Variants in THSD1 observed in about 807,000 individuals in gnomAD.
THSD1 encodes thrombospondin type-1 domain-containing protein 1.
Under a neutral mutation model 46.3 loss-of-function variants are expected in THSD1, and 34 were observed. The ratio of observed to expected loss-of-function variants is 0.74; its 90% CI spans 0.56 to 0.98. THSD1 has a LOEUF of 0.98. Among genes scored for constraint, THSD1 ranks in the 50% least tolerant of loss-of-function variants. The probability of loss-of-function intolerance (pLI) is 0.00; values close to 1 mark genes in which losing one functional copy is unlikely to be tolerated. For missense variants in THSD1, 1,023 were observed against 1,058.3 expected (o/e 0.97, Z 0.46); for synonymous variants, 407 against 416.5 (o/e 0.98, Z 0.28).
chr13:52,403,462 T>C (rs147925088), intron 1 of THSD1, among the ~76,000 whole-genome samples: 1 of 152,282 alleles, frequency 6.6e-6, no homozygotes, highest in African/African-American at 2.4e-5. Flanking sequence ...CAGTTATTTG[T>C]TGGAAGAAGC....
chr13:52,405,747 C>T (rs1566077445), intron 1 of THSD1, among the ~76,000 whole-genome samples: 1 of 152,168 alleles, frequency 6.6e-6, no homozygotes. Flanking sequence ...TAGCTCAAGA[C>T]GCGATTTTTC....
chr13:52,386,496 G>C (rs532509413), intron 3 of THSD1, among the ~76,000 whole-genome samples: 1 of 152,232 alleles, frequency 6.6e-6, no homozygotes, highest in Admixed American at 6.5e-5. Context: ...TGTTTACCAG[G>C]GGCAGACACC....
intron 4 of THSD1, among the ~76,000 whole-genome samples, chr13:52,382,204 G>A (rs1469396427): frequency 3.3e-5 from 5 of 152,106 alleles, no homozygotes; most frequent in Admixed American, 1.3e-4. Flanking sequence ...CCTACAACTT[G>A]TGCTTCCTCT....
At chr13:52,398,527 C>A in intron 2 of THSD1, 3 of 983,116 alleles carry the variant, frequency 3.1e-6, no homozygotes, top group Non-Finnish European at 3.6e-6. Context: ...TAGACATGAG[C>A]CACTGCACCC....
chr13:52,380,843 C>T (rs1350429798), intron 4 of THSD1, among the ~76,000 whole-genome samples: 1 of 152,048 alleles, frequency 6.6e-6, no homozygotes, highest in Non-Finnish European at 1.5e-5. Flanking sequence ...TCCTTTGATG[C>T]CCATGCCATC....
At chr13:52,391,522 GTA>G (rs201281578) in intron 3 of THSD1, among the ~76,000 whole-genome samples, 5 of 148,292 alleles carry the variant, frequency 3.4e-5, no homozygotes, top group African/African-American at 7.4e-5. Context: ...CCTGCCAGAA[GTA>G]TATATATATA....
At chr13:52,383,745 A>C (rs1435141422) in intron 4 of THSD1, among the ~76,000 whole-genome samples, 1 of 152,250 alleles carries the variant, frequency 6.6e-6, no homozygotes, top group Non-Finnish European at 1.5e-5. Flanking sequence ...AAAGAATGGA[A>C]AATAGGTTGA....
intron 3 of THSD1, among the ~76,000 whole-genome samples, chr13:52,395,556 TC>T (rs1281860191): frequency 6.6e-6 from 1 of 151,948 alleles, no homozygotes; most frequent in African/African-American, 2.4e-5. Flanking sequence ...GGAAGAGACG[TC>T]CATCTGGAGC....
intron 1 of THSD1, among the ~76,000 whole-genome samples, chr13:52,403,649 T>C (rs1043417958): frequency 1.3e-5 from 2 of 152,100 alleles, no homozygotes; most frequent in Non-Finnish European, 2.9e-5. Context: ...GCCCAGCTAA[T>C]TTTTGGTATT....
At chr13:52,389,352 G>GA (rs879533104) in intron 3 of THSD1, among the ~76,000 whole-genome samples, 3 of 151,666 alleles carry the variant, frequency 2.0e-5, no homozygotes, top group East Asian at 1.9e-4. Flanking sequence ...AAATAAGGCA[G>GA]AAAAAAAGAT....
chr13:52,396,553 A>C (rs1383651004), intron 3 of THSD1, among the ~76,000 whole-genome samples: 3 of 152,232 alleles, frequency 2.0e-5, no homozygotes, highest in Non-Finnish European at 4.4e-5. Context: ...AACAAAGATA[A>C]AAAACGAACG....
intron 3 of THSD1, among the ~76,000 whole-genome samples, chr13:52,390,308 A>G (rs938584660): frequency 6.6e-6 from 1 of 152,228 alleles, no homozygotes; most frequent in Non-Finnish European, 1.5e-5. Flanking sequence ...TATACAAAGC[A>G]CTACAAAACA....
At position 52,378,359 on chromosome 13, in the gene THSD1, T is replaced by G; in HGVS notation, c.1611A>C (p.Leu537Phe). ...TCAGACCTTTCTTTTTCATCTCCTTTAACTGCTGCTGGGCAAGGCGGTAGC... is the reference window on the plus strand; with the variant it reads ...TCAGACCTTTCTTTTTCATCTCCTTGAACTGCTGCTGGGCAAGGCGGTAGC... ...LFSYRLAQQQ[L>F]KEMKKKGLTE... is the part of the protein sequence containing the mutation. The change falls in exon 5 of 5, where the codon TTA becomes TTC. Residue 537 changes from leucine to phenylalanine, a missense_variant. Physicochemically the swap from Leu to Phe is conservative, Grantham distance 22. This residue lies in a region of THSD1 where 578 missense variants were observed against 497.4 expected (regional missense o/e 1.16). Transcript: ENST00000258613. 6.2e-7 allele frequency: 1 copy of G among 1,614,118 alleles called. No individual in the cohort carries two copies. Among genetic ancestry groups the G allele is most frequent in the South Asian group, 1.1e-5 (1 of 91,082 alleles).
intron 4 of THSD1, among the ~76,000 whole-genome samples, chr13:52,379,731 C>CAAAGGGTGGG (rs1335189763): frequency 3.9e-5 from 6 of 152,074 alleles, no homozygotes; most frequent in African/African-American, 9.7e-5. Flanking sequence ...CCTCGGCCTC[C>CAAAGGGTGGG]CAAAGTGCTG....
At chr13:52,404,418 A>C (rs1957891096) in intron 1 of THSD1, among the ~76,000 whole-genome samples, 1 of 152,222 alleles carries the variant, frequency 6.6e-6, no homozygotes, top group South Asian at 2.1e-4. Context: ...GCTGCTGAAC[A>C]AAGGAAATAC....
At chr13:52,382,611 A>G (rs1957701677) in intron 4 of THSD1, among the ~76,000 whole-genome samples, 1 of 152,120 alleles carries the variant, frequency 6.6e-6, no homozygotes, top group African/African-American at 2.4e-5. Flanking sequence ...TTAATGTGCC[A>G]TCTTCCCTGC....
rs1437735111 is a variant in THSD1, at chr13:52,398,124, A to C, written c.129T>G (p.Tyr43Ter). Reference sequence around the variant, plus strand: ...CACCATCAAAATACTGGAAATCCACATACACTGTGTCGTTGCTTAGTGCTA... The same window carrying C: ...CACCATCAAAATACTGGAAATCCACCTACACTGTGTCGTTGCTTAGTGCTA... ...GHVALSNDTV[Y>*]VDFQYFDGAN... is the part of the protein sequence containing the mutation. Residue 43 changes from tyrosine to a stop codon, truncating the protein, a stop_gained, in exon 3 of 5, where the codon TAT becomes TAG. Coordinates refer to ENST00000258613, the MANE Select transcript of THSD1 (RefSeq NM_018676.4). LOFTEE classifies it high-confidence loss of function. 1 of 1,614,112 alleles carries C rather than the reference A, an allele frequency of 6.2e-7. No individual in the cohort carries two copies. Among genetic ancestry groups the C allele is most frequent in the Non-Finnish European group, 8.5e-7 (1 of 1,180,050 alleles).
intron 1 of THSD1, among the ~76,000 whole-genome samples, chr13:52,404,215 G>A (rs1289774751): frequency 6.6e-6 from 1 of 152,014 alleles, no homozygotes; most frequent in Non-Finnish European, 1.5e-5. Context: ...CAAAGTGCTG[G>A]GATTACAGGC....
Position 52,402,487 on chromosome 13 carries a change from T to C in THSD1, c.58+56A>G, listed in dbSNP as rs1385357755. ...GTCATCAACATCAATGCATTTATAA[T>C]GTCATCTTTATGTCTTATTGCTACC... On this transcript the variant is annotated intron_variant, in intron 2 of 4. Coordinates refer to ENST00000258613, the MANE Select transcript of THSD1 (RefSeq NM_018676.4). The C allele has an allele frequency of 5.8e-6, 9 of 1,541,038 alleles. No homozygotes were observed. The African/African-American group carries it at 8.2e-5, about 14-fold the overall frequency.
Sources: gnomAD v4.1 joint callset for allele counts (sites outside exome capture counted in the v4.1 genomes callset) on GRCh38, gnomAD v4.1.1 for gene constraint, gnomAD v4.1.1 regional missense constraint, MANE v1.5 for transcripts, NCBI Gene and HGNC (gene_info 2026-07-23, HGNC 2026-07-21) for gene names.